Variants in EXT1 observed in about 807,000 individuals in gnomAD.
The protein encoded by EXT1 is exostosin glycosyltransferase 1, also known as exostosin-1.
EXT1 carries 20 observed loss-of-function variants against 82.5 expected under a neutral mutation model. That is an observed-to-expected ratio of 0.24 (90% CI 0.17 to 0.35). The LOEUF (loss-of-function observed/expected upper bound fraction) is 0.35. EXT1 is among the 10% of genes least tolerant of loss of function. EXT1 has a pLI of 1.00. For missense variants in EXT1, 757 were observed against 936.5 expected (o/e 0.81, Z 2.50); for synonymous variants, 348 against 350.8 (o/e 0.99, Z 0.09).
intron 1 of EXT1, among the ~76,000 whole-genome samples, chr8:117,840,395 C>T (rs527262338): frequency 1.5e-4 from 23 of 152,114 alleles, no homozygotes; most frequent in Non-Finnish European, 3.1e-4. Flanking sequence ...GGCAGATCAC[C>T]TGATGTCAGG....
intron 1 of EXT1, among the ~76,000 whole-genome samples, chr8:117,839,053 T>G (rs920954529): frequency 1.3e-4 from 20 of 152,184 alleles, no homozygotes; most frequent in Non-Finnish European, 4.4e-5. Context: ...GCAGAAAACT[T>G]ATAGGAAAAA....
intron 1 of EXT1, among the ~76,000 whole-genome samples, chr8:117,849,182 C>T (rs1211456216): frequency 6.6e-6 from 1 of 152,244 alleles, no homozygotes; most frequent in Non-Finnish European, 1.5e-5. Context: ...GAGGCCAGCA[C>T]AGACCAACCT....
Position 117,825,781 on chromosome 8 carries a change from T to C in EXT1, c.1285-3184A>G, listed in dbSNP as rs568113510. On this transcript the variant is annotated intron_variant, in intron 4 of 10. Transcript: ENST00000378204. The stretch of plus-strand genomic sequence containing the variant: ...TTACCCCATTGATTTTTAAATATCA[T>C]TGTATGATAGCATCAGCAATACTAT... Among the ~76,000 whole-genome samples the C allele has an allele frequency of 2.3e-4, 35 of 152,336 alleles. No homozygotes were observed. In the South Asian group the frequency reaches 4.4e-3, roughly 19 times the overall value.
At chr8:117,801,680 AT>A (rs372244685) in intron 10 of EXT1, among the ~76,000 whole-genome samples, 209 of 152,052 alleles carry the variant, frequency 1.4e-3, no homozygotes, top group African/African-American at 4.8e-3. Flanking sequence ...TAATTTTTGT[AT>A]TTTTAGTAGA....
intron 1 of EXT1, among the ~76,000 whole-genome samples, chr8:118,010,830 A>AC (rs1441008474): frequency 6.6e-6 from 1 of 152,170 alleles, no homozygotes; most frequent in Non-Finnish European, 1.5e-5. Context: ...CTCAGGCTTC[A>AC]CCTTCTCCCC....
At chr8:118,104,627 G>C (rs971094199) in intron 1 of EXT1, among the ~76,000 whole-genome samples, 1 of 152,194 alleles carries the variant, frequency 6.6e-6, no homozygotes, top group African/African-American at 2.4e-5. Context: ...TGAAATGCTT[G>C]AGACCAAAAG....
chr8:118,013,038 GT>G (rs946528134), intron 1 of EXT1, among the ~76,000 whole-genome samples: 5 of 149,732 alleles, frequency 3.3e-5, no homozygotes, highest in African/African-American at 4.9e-5. Context: ...GTTCACTGAT[GT>G]TTTTTTTTTC....
At chr8:117,914,113 A>C (rs1813702046) in intron 1 of EXT1, among the ~76,000 whole-genome samples, 1 of 152,238 alleles carries the variant, frequency 6.6e-6, no homozygotes, top group African/African-American at 2.4e-5. Flanking sequence ...CTAGAAGTTT[A>C]TGGCCCATAC....
chr8:118,079,443 T>A (rs1285653182), intron 1 of EXT1, among the ~76,000 whole-genome samples: 1 of 152,182 alleles, frequency 6.6e-6, no homozygotes, highest in Non-Finnish European at 1.5e-5. Flanking sequence ...CTCAACAGTA[T>A]GACAGGCCTA....
chr8:117,969,760 G>C (rs555835123), intron 1 of EXT1, among the ~76,000 whole-genome samples: 1 of 152,150 alleles, frequency 6.6e-6, no homozygotes, highest in Non-Finnish European at 1.5e-5. Context: ...AACCTTTCTC[G>C]CAAGCTTATT....
At chr8:117,830,507 T>G (rs1486357256) in intron 3 of EXT1, among the ~76,000 whole-genome samples, 158 bp from the exon 4 acceptor site, 5 of 152,210 alleles carry the variant, frequency 3.3e-5, no homozygotes, top group African/African-American at 1.2e-4. Context: ...TGAAATGACC[T>G]TAAGAAGTGT....
chr8:117,894,561 C>T (rs1813303039), intron 1 of EXT1, among the ~76,000 whole-genome samples: 1 of 152,168 alleles, frequency 6.6e-6, no homozygotes, highest in South Asian at 2.1e-4. Context: ...GATCCCCCAA[C>T]ACCACCCCCA....
In EXT1 at chr8:117,912,068, T is replaced by TGAA. The variant is rs376888019; in HGVS notation, c.963-74870_963-74868dup. 7.3e-3 allele frequency among the ~76,000 whole-genome samples: 1,104 copies of TGAA among 151,868 alleles called. 14 individuals carry two copies. The highest frequency in any genetic ancestry group is 0.026 in the African/African-American group (1,062 of 41,396). ...ATAAGAGAGCTAATTTTTAGGCACC[T>TGAA]GAAGAAGAAGAAGAAAAAAAGACTA... On this transcript the variant is annotated intron_variant, in intron 1 of 10. Transcript: ENST00000378204.
At chr8:118,098,539 G>A (rs1474792353) in intron 1 of EXT1, among the ~76,000 whole-genome samples, 2 of 151,932 alleles carry the variant, frequency 1.3e-5, no homozygotes, top group Non-Finnish European at 2.9e-5. Context: ...GACAGATCAC[G>A]AGGTCAGGAG....
At chr8:117,824,001 G>A (rs1380797811) in intron 4 of EXT1, among the ~76,000 whole-genome samples, 1 of 152,130 alleles carries the variant, frequency 6.6e-6, no homozygotes, top group Admixed American at 6.5e-5. Context: ...TACATGGTTA[G>A]CAATTTCACT....
chr8:117,975,086 G>A (rs1431428520), intron 1 of EXT1, among the ~76,000 whole-genome samples: 1 of 152,158 alleles, frequency 6.6e-6, no homozygotes, highest in African/African-American at 2.4e-5. Flanking sequence ...CACACAAGTG[G>A]CCTTTTGGAA....
chr8:118,002,639 C>G (rs1363554092), intron 1 of EXT1, among the ~76,000 whole-genome samples: 2 of 149,646 alleles, frequency 1.3e-5, no homozygotes, highest in East Asian at 4.1e-4. Context: ...TCACCCCATT[C>G]TCCTGCCTGA....
At chr8:117,983,632 A>T (rs2129771940) in intron 1 of EXT1, among the ~76,000 whole-genome samples, 1 of 152,364 alleles carries the variant, frequency 6.6e-6, no homozygotes, top group East Asian at 1.9e-4. Flanking sequence ...AAATAGAGGC[A>T]ATCCTACAAA....
At chr8:117,914,531 G>A (rs910676088) in intron 1 of EXT1, among the ~76,000 whole-genome samples, 7 of 152,134 alleles carry the variant, frequency 4.6e-5, no homozygotes, top group Non-Finnish European at 7.3e-5. Flanking sequence ...ATGGACGTGC[G>A]AGTAGGAAAG....
Sources: allele counts gnomAD v4.1 joint callset (sites outside exome capture counted in the v4.1 genomes callset), GRCh38; gene constraint gnomAD v4.1.1; transcripts MANE v1.5; gene names NCBI Gene and HGNC (gene_info 2026-07-23, HGNC 2026-07-21).